COL15A1: variants seen among roughly 807,000 people sequenced by gnomAD.
COL15A1 encodes the protein collagen type XV alpha 1 chain.
Under a neutral mutation model 165.9 loss-of-function variants are expected in COL15A1, and 111 were observed. That is an observed-to-expected ratio of 0.67 (90% CI 0.57 to 0.78). The LOEUF (loss-of-function observed/expected upper bound fraction) is 0.78, where lower values mean the gene tolerates loss of function less well. Ranked by LOEUF, COL15A1 falls within the 30% of genes least tolerant of loss-of-function variation. The pLI is 0.00. For missense variants in COL15A1, 1,745 were observed against 1,789.7 expected, an observed-to-expected ratio of 0.98 and a Z score of 0.45; for synonymous variants, 659 against 674.8, an observed-to-expected ratio of 0.98 and a Z score of 0.36.
At chr9:98,993,459 C>G (rs1409170768) in intron 5 of COL15A1, among the ~76,000 whole-genome samples, 1 of 152,164 alleles carries the variant, frequency 6.6e-6, no homozygotes, top group Non-Finnish European at 1.5e-5. Flanking sequence ...GCCTGATGGT[C>G]CTGACCTTAA....
intron 39 of COL15A1, among the ~76,000 whole-genome samples, chr9:99,065,795 T>C (rs1483046062): frequency 6.6e-6 from 1 of 151,120 alleles, no homozygotes; most frequent in Non-Finnish European, 1.5e-5. Flanking sequence ...TATCCAGAGA[T>C]GTGCAAGGGC....
chr9:98,944,111 C>T (rs1450701542), intron 1 of COL15A1, 39 bp downstream of exon 1: 10 of 1,614,082 alleles, frequency 6.2e-6, no homozygotes, highest in Non-Finnish European at 6.8e-6. Context: ...TCCCGGGCCC[C>T]TCCAATACTC....
At chr9:99,058,459 A>G (rs1000170061) in intron 35 of COL15A1, among the ~76,000 whole-genome samples, 1 of 152,216 alleles carries the variant, frequency 6.6e-6, no homozygotes, top group Non-Finnish European at 1.5e-5. Flanking sequence ...GTGCCCACAC[A>G]GCCATGAGGG....
At chr9:99,066,836 G>A (rs749952046) in intron 39 of COL15A1, 46 bp from the exon 40 acceptor site, 3 of 1,558,730 alleles carry the variant, frequency 1.9e-6, no homozygotes, top group South Asian at 1.2e-5. Context: ...GGGGGCTGGA[G>A]TTTGCCTTTG....
At chr9:99,065,751 T>C (rs1825881628) in intron 39 of COL15A1, among the ~76,000 whole-genome samples, 1 of 150,268 alleles carries the variant, frequency 6.7e-6, no homozygotes, top group Non-Finnish European at 1.5e-5. Context: ...GTCTGTCCTC[T>C]GCAGGAAGGA....
chr9:98,955,271 A>G (rs748441017), intron 2 of COL15A1, among the ~76,000 whole-genome samples: 1 of 152,168 alleles, frequency 6.6e-6, no homozygotes, highest in South Asian at 2.1e-4. Flanking sequence ...TGTCTTCCTT[A>G]TCTGTAAATT....
At chr9:99,024,529 C>T (rs1839089112) in intron 14 of COL15A1, among the ~76,000 whole-genome samples, 1 of 152,082 alleles carries the variant, frequency 6.6e-6, no homozygotes, top group South Asian at 2.1e-4. Context: ...TGTGATCTGT[C>T]CTGACTGACC....
intron 2 of COL15A1, among the ~76,000 whole-genome samples, chr9:98,983,658 G>A (rs1162917754): frequency 6.6e-6 from 1 of 152,208 alleles, no homozygotes; most frequent in Non-Finnish European, 1.5e-5. Flanking sequence ...CTGCAGGCGT[G>A]ATTATCCCTG....
In COL15A1 at chr9:99,035,075, C is replaced by T; in HGVS notation, c.2141C>T (p.Pro714Leu). ...PPGKKGQAGPPGVMGPPGPPG... is the reference protein window; with the variant it reads ...PPGKKGQAGPLGVMGPPGPPG... The stretch of plus-strand genomic sequence containing the variant: ...GGGAAAAAGGGACAAGCTGGCCCTC[C>T]TGGGGTCATGGGACCCCCAGGGCCT... Residue 714 changes from proline (P) to leucine (L), a missense_variant, in exon 18 of 42, where the codon CCT becomes CTT. By Grantham distance (98) the Pro-to-Leu change is moderately conservative (BLOSUM62 -3). Transcript: ENST00000375001. 1 of 1,609,302 alleles carries T rather than the reference C, an allele frequency of 6.2e-7. No individual in the cohort carries two copies. The highest frequency in any genetic ancestry group is 1.1e-5 in the South Asian group (1 of 90,992).
chr9:98,959,007 G>A (rs1837821770), intron 2 of COL15A1, among the ~76,000 whole-genome samples: 1 of 152,008 alleles, frequency 6.6e-6, no homozygotes, highest in Non-Finnish European at 1.5e-5. Flanking sequence ...TCTGTGCTCA[G>A]CTCCTGTCAT....
At chr9:99,016,782 A>T (rs1838941482) in intron 11 of COL15A1, among the ~76,000 whole-genome samples, 1 of 152,210 alleles carries the variant, frequency 6.6e-6, no homozygotes. Flanking sequence ...AAAGGAAAAT[A>T]TCTCCTTGGT....
rs555345983 is a variant in COL15A1 at position 99,033,564 on chromosome 9, T to C, written c.2044-985T>C. 6.6e-5 allele frequency among the ~76,000 whole-genome samples: 10 copies of C among 152,308 alleles called. No homozygotes were observed. The South Asian group carries it at 2.1e-3, about 32-fold the overall frequency. ...ATGGCTGAGGCCCCTGTCTTCAACTTCCCTGTTTTCCCCTTGGCATTTCTA... is the reference window on the plus strand; with the variant it reads ...ATGGCTGAGGCCCCTGTCTTCAACTCCCCTGTTTTCCCCTTGGCATTTCTA... On this transcript the variant is annotated intron_variant, in intron 16 of 41. Coordinates refer to ENST00000375001, the MANE Select transcript of COL15A1 (RefSeq NM_001855.5).
At chr9:98,965,871 C>A (rs538912603) in intron 2 of COL15A1, among the ~76,000 whole-genome samples, 2 of 152,120 alleles carry the variant, frequency 1.3e-5, no homozygotes, top group Non-Finnish European at 2.9e-5. Context: ...CCAGGGGACC[C>A]AATTCCTTGT....
intron 24 of COL15A1, among the ~76,000 whole-genome samples, chr9:99,043,002 T>G (rs941581569): frequency 6.6e-6 from 1 of 152,170 alleles, no homozygotes; most frequent in African/African-American, 2.4e-5. Context: ...GGAAGAGATA[T>G]GCAAAGAGCT....
At chr9:98,968,090 C>A (rs1837986370) in intron 2 of COL15A1, among the ~76,000 whole-genome samples, 1 of 152,170 alleles carries the variant, frequency 6.6e-6, no homozygotes, top group Non-Finnish European at 1.5e-5. Context: ...AAAACCTGGC[C>A]CAGCCACTTG....
chr9:99,062,968 A>T (rs111642258), intron 38 of COL15A1, 82 bp from the exon 39 acceptor site: 12 of 1,497,542 alleles, frequency 8.0e-6, no homozygotes, highest in Non-Finnish European at 1.1e-5. Flanking sequence ...CTCAAGAAAC[A>T]TTGCACTTGC....
chr9:98,970,302 A>G (rs1218095382), intron 2 of COL15A1, among the ~76,000 whole-genome samples: 3 of 152,222 alleles, frequency 2.0e-5, no homozygotes, highest in African/African-American at 7.2e-5. Flanking sequence ...ATAGCTTCCA[A>G]TAGAGGGATC....
intron 15 of COL15A1, among the ~76,000 whole-genome samples, chr9:99,025,561 G>C (rs147981843): frequency 6.6e-6 from 1 of 152,198 alleles, no homozygotes; most frequent in Non-Finnish European, 1.5e-5. Flanking sequence ...GTCAAGAAGC[G>C]TCTGTACAGG....
At chr9:99,067,117 A>C (rs759164871) in intron 40 of COL15A1, 50 bp downstream of exon 40, 19 of 1,482,764 alleles carry the variant, frequency 1.3e-5, no homozygotes, top group Non-Finnish European at 1.8e-5. Context: ...TGGTCGCTAC[A>C]GGGCCTGGAG....
Sources: allele counts gnomAD v4.1 joint callset (sites outside exome capture counted in the v4.1 genomes callset), GRCh38; gene constraint gnomAD v4.1.1; transcripts MANE v1.5; gene names NCBI Gene and HGNC (gene_info 2026-07-23, HGNC 2026-07-21).